Variants in URGCP observed in about 807,000 individuals in gnomAD.
URGCP encodes up-regulator of cell proliferation.
In URGCP, 13 loss-of-function variants were observed where a neutral mutation model predicts 24.6. The observed-to-expected ratio is 0.53, with a 90% CI of 0.34 to 0.84. The LOEUF (loss-of-function observed/expected upper bound fraction) is 0.84. Among genes scored for constraint, URGCP ranks in the 40% least tolerant of loss-of-function variants. URGCP has a pLI of 0.01. For missense variants in URGCP, 899 were observed against 1,194.3 expected (o/e 0.75, Z 3.64); for synonymous variants, 444 against 487.2 (o/e 0.91, Z 1.17).
chr7:43,901,085 A>T (rs969765706), intron 1 of URGCP, among the ~76,000 whole-genome samples: 1 of 152,242 alleles, frequency 6.6e-6, no homozygotes. Context: ...TAGAAATAAC[A>T]GTCCTTATTG....
rs1274484788 is a variant in URGCP, at chr7:43,878,935, G to A, written c.528C>T (p.Thr176=). ...CTAAGGGGTTCACTGGCGTATCAGG[G>A]GTGGGCAGCTCAGAAAAGGAATAAA... The part of the protein sequence containing the change: ...ADIYSFSELP[T]PDTPVNPLDL... Residue 176 remains threonine, a synonymous_variant, in exon 6 of 6, where the codon ACC becomes ACT. Coordinates refer to ENST00000453200, the MANE Select transcript of URGCP (RefSeq NM_001077663.3). The surrounding 1 kb of genome is among the most constrained non-coding windows in gnomAD (Gnocchi z 5.6). 14 of 1,614,104 alleles carry A rather than the reference G, an allele frequency of 8.7e-6. No individual in the cohort carries two copies. Among genetic ancestry groups the A allele is most frequent in the Non-Finnish European group, 1.1e-5 (13 of 1,180,042 alleles).
intron 1 of URGCP, chr7:43,919,593 C>A: frequency 7.0e-7 from 1 of 1,420,134 alleles, no homozygotes; most frequent in Non-Finnish European, 1.0e-6. Flanking sequence ...GTGGCTGCTG[C>A]AGCCCAAGAA....
At chr7:43,898,521 G>C (rs1221992431) in intron 1 of URGCP, among the ~76,000 whole-genome samples, 1 of 152,146 alleles carries the variant, frequency 6.6e-6, no homozygotes, top group Non-Finnish European at 1.5e-5. Flanking sequence ...GGGAGGCCAA[G>C]GTGAGAGTAT....
upstream of URGCP, among the ~76,000 whole-genome samples, chr7:43,910,558 A>T (rs188838191): frequency 4.2e-4 from 64 of 151,144 alleles, no homozygotes; most frequent in Admixed American, 7.3e-4. Context: ...TTACACTAAA[A>T]TTTTTTTTCA....
At chr7:43,897,843 T>A (rs1391363812) in intron 1 of URGCP, among the ~76,000 whole-genome samples, 1 of 152,136 alleles carries the variant, frequency 6.6e-6, no homozygotes, top group Non-Finnish European at 1.5e-5. Flanking sequence ...AAAGCATCTG[T>A]GAAGGACTGC....
chr7:43,916,620 G>A (rs2095915738), intron 1 of URGCP, among the ~76,000 whole-genome samples: 2 of 151,892 alleles, frequency 1.3e-5, no homozygotes, highest in Non-Finnish European at 2.9e-5. Context: ...AGTATCCATG[G>A]CATAAATGAG....
At chr7:43,919,178 T>G in intron 1 of URGCP, 1 of 886,876 alleles carries the variant, frequency 1.1e-6, no homozygotes. Flanking sequence ...ATGACAGGTA[T>G]CCTAAGAAGC....
At chr7:43,880,883 CCTGTT>C (rs1196433509) in intron 5 of URGCP, among the ~76,000 whole-genome samples, 1 of 152,220 alleles carries the variant, frequency 6.6e-6, no homozygotes, top group Non-Finnish European at 1.5e-5. Flanking sequence ...CAGCCCTCTG[CCTGTT>C]TCCCAAGAAG....
chr7:43,915,324 CTT>C (rs1177369269), intron 1 of URGCP, among the ~76,000 whole-genome samples: 1 of 152,154 alleles, frequency 6.6e-6, no homozygotes, highest in Admixed American at 6.5e-5. Flanking sequence ...ATCTGTTTCC[CTT>C]TCCTTTTTGA....
chr7:43,897,600 A>G (rs568853257), intron 1 of URGCP, among the ~76,000 whole-genome samples: 261 of 152,262 alleles, frequency 1.7e-3, no homozygotes, highest in African/African-American at 5.9e-3. Context: ...AAATAAAAAT[A>G]AAAAAGATTT....
chr7:43,876,937 A>C lies in URGCP; in HGVS notation c.2526T>G (p.Pro842=). ...PRDKRQLLDP[P]GDLSRAAAQM... is the part of the protein sequence containing the mutation. Reference sequence around the variant, plus strand: ...GGGCTGCAGCCCTGCTCAGGTCACCAGGTGGATCCAGGAGCTGTCTCTTGT... The same window carrying C: ...GGGCTGCAGCCCTGCTCAGGTCACCCGGTGGATCCAGGAGCTGTCTCTTGT... Residue 842 remains proline, a synonymous_variant, in exon 6 of 6, where the codon CCT becomes CCG. Coordinates refer to ENST00000453200, the MANE Select transcript of URGCP (RefSeq NM_001077663.3). The C allele has an allele frequency of 6.2e-7, 1 of 1,614,114 alleles. No homozygotes were observed. Among genetic ancestry groups the C allele is most frequent in the Non-Finnish European group, 8.5e-7 (1 of 1,180,012 alleles).
intron 1 of URGCP, among the ~76,000 whole-genome samples, chr7:43,922,830 CA>C (rs2095923967): frequency 6.6e-6 from 1 of 152,098 alleles, no homozygotes; most frequent in African/African-American, 2.4e-5. Context: ...ATCCTCCCAC[CA>C]CAGTCACCCA....
intron 3 of URGCP, among the ~76,000 whole-genome samples, chr7:43,885,235 A>G (rs1461365128): frequency 6.6e-6 from 1 of 151,910 alleles, no homozygotes; most frequent in Non-Finnish European, 1.5e-5. Context: ...CGAGTAGCTA[A>G]GACTACAGGC....
At chr7:43,906,694 G>T, upstream of URGCP, 1 of 1,051,904 alleles carries the variant, frequency 9.5e-7, no homozygotes, top group East Asian at 5.4e-5. Flanking sequence ...CTCCAGGGGT[G>T]GAGGTGGGGT....
At chr7:43,914,664 T>G (rs1185070869) in intron 1 of URGCP, among the ~76,000 whole-genome samples, 2 of 152,226 alleles carry the variant, frequency 1.3e-5, no homozygotes, top group African/African-American at 4.8e-5. Flanking sequence ...CAGATGGTTT[T>G]GTTCCTCAGA....
intron 1 of URGCP, among the ~76,000 whole-genome samples, chr7:43,900,466 A>AC (rs2095888247): frequency 3.2e-5 from 3 of 94,926 alleles, no homozygotes; most frequent in Admixed American, 1.2e-4. Flanking sequence ...AAAAAAACCA[A>AC]AACAAAAAAA....
At chr7:43,924,947 C>T (rs895291136) in intron 1 of URGCP, among the ~76,000 whole-genome samples, 7 of 152,064 alleles carry the variant, frequency 4.6e-5, no homozygotes, top group African/African-American at 9.6e-5. Context: ...TTTGTAGAGA[C>T]GGGGTTTCAC....
chr7:43,876,930 G>T lies in URGCP; in HGVS notation c.2533C>A (p.Leu845Met). The T allele has an allele frequency of 1.2e-6, 2 of 1,614,122 alleles. No individual in the cohort carries two copies. The highest frequency in any genetic ancestry group is 1.7e-6 in the Non-Finnish European group (2 of 1,180,030). Residue 845 changes from leucine (L) to methionine (M), a missense_variant, in exon 6 of 6, where the codon CTG becomes ATG. Coordinates refer to ENST00000453200, the MANE Select transcript of URGCP (RefSeq NM_001077663.3). ...KRQLLDPPGD[L>M]SRAAAQMEKQ... is the part of the protein sequence containing the mutation. ...TCCATCTGGGCTGCAGCCCTGCTCA[G>T]GTCACCAGGTGGATCCAGGAGCTGT...
chr7:43,887,701 G>T, intron 2 of URGCP, 89 bp downstream of exon 2: 1 of 1,520,014 alleles, frequency 6.6e-7, no homozygotes, highest in East Asian at 2.5e-5. Flanking sequence ...CCACAGTTGA[G>T]AAACACTGGT....
Sources: allele counts gnomAD v4.1 joint callset (sites outside exome capture counted in the v4.1 genomes callset), GRCh38; gene constraint gnomAD v4.1.1; non-coding constraint Gnocchi (gnomAD v3.1); transcripts MANE v1.5; gene names NCBI Gene and HGNC (gene_info 2026-07-23, HGNC 2026-07-21).